Variants in DHRS4L2 observed in about 807,000 individuals in gnomAD.
DHRS4L2 encodes the protein dehydrogenase/reductase SDR family member 4-like 2.
In DHRS4L2, 22 loss-of-function variants were observed where a neutral mutation model predicts 23.9. The observed-to-expected ratio is 0.92, with a 90% confidence interval of 0.66 to 1.31. The LOEUF (loss-of-function observed/expected upper bound fraction) is 1.31. DHRS4L2 is among the 40% of genes most tolerant of loss of function. DHRS4L2 has a pLI of 0.00. For synonymous variants in DHRS4L2, 141 were observed against 123.7 expected (o/e 1.14, Z -0.93); for missense variants, 385 against 303.3 (o/e 1.27, Z -2.00).
At position 23,999,217 on chromosome 14, in the gene DHRS4L2, T is replaced by C. The variant is rs535180162; in HGVS notation, c.409-1646T>C. ...ACTCATCACAGATCACCGTAACAGA[T>C]ATAATAATAATGGAAAGGTCTGAAA... On this transcript the variant is annotated intron_variant, in intron 3 of 7. Transcript: ENST00000335125. Among the ~76,000 whole-genome samples, 36 of 150,190 alleles carry C rather than the reference T, an allele frequency of 2.4e-4. No individual in the cohort carries two copies. The East Asian group carries it at 2.7e-3, about 11-fold the overall frequency.
rs544871688 is a variant in DHRS4L2, at chr14:23,982,767, C to T, written c.-175-7415C>T. ...GCTAGCCGTAGGCAGAAAACTGAAACTGGACCCCTTCCTTACACCTTATAC... is the reference window on the plus strand; with the variant it reads ...GCTAGCCGTAGGCAGAAAACTGAAATTGGACCCCTTCCTTACACCTTATAC... On this transcript the variant is annotated intron_variant, in intron 1 of 5. Transcript: ENST00000534993. Among the ~76,000 whole-genome samples the T allele has an allele frequency of 6.6e-5, 10 of 151,722 alleles. 2 individuals are homozygous for T. The highest frequency in any genetic ancestry group is 2.0e-4 in the Admixed American group (3 of 15,250).
rs1472085764 is a variant in DHRS4L2, at chr14:23,977,368, G to A, written c.-176+7036G>A. On this transcript the variant is annotated intron_variant, in intron 1 of 5. Coordinates refer to the DHRS4L2 transcript ENST00000534993. ...CAATGACAAACATGAGTGGAACTGGGTGTGCCTCAGATCTGCAAGTTGCAG... is the reference window on the plus strand; with the variant it reads ...CAATGACAAACATGAGTGGAACTGGATGTGCCTCAGATCTGCAAGTTGCAG... Among the ~76,000 whole-genome samples the A allele has an allele frequency of 1.3e-5, 2 of 151,708 alleles. 1 individual carries two copies. The highest frequency in any genetic ancestry group is 4.9e-5 in the African/African-American group (2 of 41,224).
chr14:23,985,103 C>T (rs1197032123), upstream of DHRS4L2, among the ~76,000 whole-genome samples: 1 of 151,464 alleles, frequency 6.6e-6, no homozygotes, highest in African/African-American at 2.4e-5. Context: ...AGGAGCACAG[C>T]ACCAGGGAGT....
At chr14:23,970,352 G>A (rs1291722644) in intron 1 of DHRS4L2, 1 of 411,276 alleles carries the variant, frequency 2.4e-6, no homozygotes, top group Non-Finnish European at 4.8e-6. Context: ...AGAGGGCGGT[G>A]GGGGGCGGGG....
At chr14:23,981,889 A>C (rs1267076785) in intron 1 of DHRS4L2, among the ~76,000 whole-genome samples, 4 of 151,780 alleles carry the variant, frequency 2.6e-5, no homozygotes, top group African/African-American at 7.3e-5. Flanking sequence ...GCATTGCTGC[A>C]AACTTGTCTC....
chr14:24,000,601 T>A (rs1305387873), intron 3 of DHRS4L2, among the ~76,000 whole-genome samples: 1 of 151,822 alleles, frequency 6.6e-6, no homozygotes, highest in Non-Finnish European at 1.5e-5. Flanking sequence ...GCCCAAATCA[T>A]ACTTGGCTGA....
rs553788566 is a variant in DHRS4L2, at chr14:23,970,385, G to A, written c.-176+53G>A. ...GGGGGCCGAAACTGCATCAGTTAAC[G>A]GGGCCGTGGGGGAGGGAAGTCCTCC... On this transcript the variant is annotated intron_variant, in intron 1 of 5. Transcript: ENST00000534993. The A allele has an allele frequency of 9.4e-4, 360 of 384,704 alleles. 12 individuals carry two copies. The highest frequency in any genetic ancestry group is 6.6e-3 in the South Asian group (351 of 53,324). The allele number at this position is 384,704 out of a possible 1,614,324, so 23.8% of individuals were successfully genotyped here.
At chr14:23,970,657 A>C (rs546671108) in intron 1 of DHRS4L2, among the ~76,000 whole-genome samples, 1 of 152,188 alleles carries the variant, frequency 6.6e-6, no homozygotes, top group South Asian at 2.1e-4. Flanking sequence ...TAACGGACAG[A>C]CTGCCTCCCC....
At chr14:24,002,205 C>A in intron 6 of DHRS4L2, among the ~76,000 whole-genome samples, 1 of 72,746 alleles carries the variant, frequency 1.4e-5, no homozygotes, top group Non-Finnish European at 2.2e-5. Flanking sequence ...TTGTTCAATT[C>A]CCACCTATGA....
chr14:23,986,121 T>G (rs1594460140), upstream of DHRS4L2, among the ~76,000 whole-genome samples: 1 of 151,390 alleles, frequency 6.6e-6, no homozygotes, highest in East Asian at 1.9e-4. Context: ...CCTCCTAAAG[T>G]GCTGGGATTA....
At chr14:23,990,468 T>G in intron 2 of DHRS4L2, 109 bp downstream of exon 2, 1 of 1,427,630 alleles carries the variant, frequency 7.0e-7, no homozygotes, top group South Asian at 1.5e-5. Context: ...TGTGCCTTTC[T>G]ATTATGTCCA....
chr14:23,985,756 C>T (rs1237072082), upstream of DHRS4L2, among the ~76,000 whole-genome samples: 3 of 151,330 alleles, frequency 2.0e-5, no homozygotes, highest in Non-Finnish European at 4.4e-5. Flanking sequence ...CTTCTGTTGC[C>T]CAGGCTGGAG....
At chr14:23,971,666 C>A (rs1488763969) in intron 1 of DHRS4L2, among the ~76,000 whole-genome samples, 5 of 151,938 alleles carry the variant, frequency 3.3e-5, no homozygotes, top group Non-Finnish European at 7.4e-5. Context: ...AGAGTTGGGA[C>A]CAATATTCAA....
chr14:23,984,217 G>T (rs1427046410), upstream of DHRS4L2, among the ~76,000 whole-genome samples: 2 of 151,570 alleles, frequency 1.3e-5, no homozygotes, highest in Non-Finnish European at 2.9e-5. Context: ...GCCAAGAGCT[G>T]TATGGGAAGA....
At chr14:23,972,318 G>A (rs112403809) in intron 1 of DHRS4L2, among the ~76,000 whole-genome samples, 2,710 of 151,854 alleles carry the variant, frequency 0.018, 70 homozygotes, top group African/African-American at 0.061. Context: ...GCGGACCTTC[G>A]CAGTGAGTGT....
chr14:23,982,252 A>G (rs112108889), intron 1 of DHRS4L2, among the ~76,000 whole-genome samples: 2,290 of 151,792 alleles, frequency 0.015, 93 homozygotes, highest in African/African-American at 0.053. Flanking sequence ...ACTTTTACCA[A>G]GCATACTGCC....
upstream of DHRS4L2, among the ~76,000 whole-genome samples, chr14:23,984,911 G>T (rs1256743316): frequency 3.3e-5 from 5 of 151,390 alleles, 1 homozygote. Flanking sequence ...ATGGAAGAAG[G>T]GGTCAGGGGG....
chr14:23,970,554 A>C (rs2033833905), intron 1 of DHRS4L2, among the ~76,000 whole-genome samples: 1 of 152,100 alleles, frequency 6.6e-6, no homozygotes, highest in South Asian at 2.1e-4. Context: ...TATCTGAACA[A>C]AAGGCAGCGG....
intron 3 of DHRS4L2, among the ~76,000 whole-genome samples, chr14:23,999,371 A>AAG (rs2034444499): frequency 7.2e-6 from 1 of 138,668 alleles, no homozygotes; most frequent in East Asian, 2.2e-4. Context: ...AAAAAAAAAA[A>AAG]AAACAATATC....
Sources: allele counts gnomAD v4.1 joint callset (sites outside exome capture counted in the v4.1 genomes callset), GRCh38; gene constraint gnomAD v4.1.1; transcripts MANE v1.5; gene names NCBI Gene and HGNC (gene_info 2026-07-23, HGNC 2026-07-21).